The following BRWD3 variants were observed in gnomAD, a reference collection of about 807,000 sequenced individuals.
BRWD3 encodes bromodomain and WD repeat domain containing 3.
In BRWD3, 10 loss-of-function variants were observed where a neutral mutation model predicts 149.7. That is an observed-to-expected ratio of 0.07 (90% confidence interval 0.04 to 0.11). The LOEUF is 0.11. BRWD3 is among the 10% of genes least tolerant of loss of function. BRWD3 has a pLI of 1.00. For synonymous variants in BRWD3, 504 were observed against 456.7 expected (o/e 1.10, Z -1.32); for missense variants, 940 against 1,373.2 (o/e 0.68, Z 4.99).
rs1348224421 is a variant in BRWD3 at position 80,719,673 on chromosome X, A to G, written c.1877-17T>C. On this transcript the variant is annotated splice_polypyrimidine_tract_variant and intron_variant, in intron 17 of 40. Transcript: ENST00000373275. ...CACCATCACCTTAATAAGACCAGAT[A>G]CAAAGCCACAAAATTACTTACATTT... 2 of 1,203,017 alleles carry G rather than the reference A, an allele frequency of 1.7e-6. No individual in the cohort carries two copies. The highest frequency in any genetic ancestry group is 3.0e-5 in the East Asian group (1 of 33,719).
intron 17 of BRWD3, among the ~76,000 whole-genome samples, chrX:80,721,364 G>A (rs2073147671): frequency 9.0e-6 from 1 of 110,835 alleles, no homozygotes; most frequent in Admixed American, 9.7e-5. Flanking sequence ...TTTTCTCCTT[G>A]GCTAATAAAT....
Position 80,670,067 on chromosome X carries a change from CTT to C in BRWD3, c.*6540_*6541del, listed in dbSNP as rs1487593277. Among the ~76,000 whole-genome samples, 1 of 110,780 alleles carries C rather than the reference CTT, an allele frequency of 9.0e-6. No homozygotes were observed. The highest frequency in any genetic ancestry group is 1.9e-5 in the Non-Finnish European group (1 of 52,897). ...GATGTTTATAATCTGTAGATAAGAA[CTT>C]CATTAAGGCAATTGTCACAGATGGC... On this transcript the variant is annotated 3_prime_UTR_variant, in exon 41 of 41. Coordinates refer to ENST00000373275, the MANE Select transcript of BRWD3 (RefSeq NM_153252.5).
chrX:80,696,860 G>A lies in BRWD3; in HGVS notation c.2947C>T (p.Gln983Ter). The change falls in exon 26 of 41, where the codon CAA becomes TAA. Residue 983 changes from glutamine to a stop codon, truncating the protein, a stop_gained. Coordinates refer to ENST00000373275, the MANE Select transcript of BRWD3 (RefSeq NM_153252.5). LOFTEE classifies it high-confidence loss of function. ...ATTCCTACAATCTTAACAAACTCTT[G>A]CTCCTATTCATGAGAATACCAATAA... ...QPWNKMDLRE[Q>*]EFVKIVGIKY... 8.4e-7 allele frequency: 1 copy of A among 1,193,550 alleles called. No individual in the cohort carries two copies. Among genetic ancestry groups the A allele is most frequent in the Non-Finnish European group, 1.1e-6 (1 of 879,937 alleles).
intron 20 of BRWD3, among the ~76,000 whole-genome samples, chrX:80,713,166 G>A (rs1267883116): frequency 1.8e-5 from 2 of 110,334 alleles, no homozygotes; most frequent in Non-Finnish European, 3.8e-5. Context: ...CCCTCTGCCC[G>A]GCCACCACCC....
At chrX:80,713,993 T>C (rs993585597) in intron 20 of BRWD3, among the ~76,000 whole-genome samples, 1 of 111,599 alleles carries the variant, frequency 9.0e-6, no homozygotes, top group African/African-American at 3.3e-5. Flanking sequence ...ATCAGAATAT[T>C]TTAAACCCAA....
intron 6 of BRWD3, among the ~76,000 whole-genome samples, chrX:80,771,682 C>T (rs1422207535): frequency 9.0e-6 from 1 of 111,671 alleles, no homozygotes. Flanking sequence ...GAACAGGCAA[C>T]CTACAGAATA....
intron 6 of BRWD3, among the ~76,000 whole-genome samples, chrX:80,790,306 A>G (rs1272695524): frequency 9.0e-6 from 1 of 110,975 alleles, no homozygotes; most frequent in Non-Finnish European, 1.9e-5. Context: ...TATGACCCAC[A>G]AAGAGAAAAC....
chrX:80,712,267 G>A (rs1330001970), intron 20 of BRWD3, among the ~76,000 whole-genome samples: 1 of 111,239 alleles, frequency 9.0e-6, no homozygotes, highest in Non-Finnish European at 1.9e-5. Flanking sequence ...TCCTGCCTCA[G>A]CCTGCCGAGT....
chrX:80,725,793 AACAT>A (rs2073213698), intron 14 of BRWD3, among the ~76,000 whole-genome samples: 18 of 95,907 alleles, frequency 1.9e-4, no homozygotes, highest in Admixed American at 1.8e-3. Context: ...TATAACGTAT[AACAT>A]GTTTACATGT....
At chrX:80,725,735 T>G (rs2073210524) in intron 14 of BRWD3, among the ~76,000 whole-genome samples, 1 of 111,065 alleles carries the variant, frequency 9.0e-6, no homozygotes, top group African/African-American at 3.2e-5. Context: ...TTTACATGTG[T>G]TACATGCCTA....
chrX:80,759,704 T>C (rs878970036), intron 6 of BRWD3, among the ~76,000 whole-genome samples: 2 of 111,915 alleles, frequency 1.8e-5, no homozygotes, highest in South Asian at 3.7e-4. Context: ...CAATATGAAA[T>C]GGCTAATAAT....
chrX:80,741,924 A>G (rs2073516522), intron 8 of BRWD3, among the ~76,000 whole-genome samples: 1 of 111,465 alleles, frequency 9.0e-6, no homozygotes, highest in Admixed American at 9.5e-5. Context: ...ATTAGATCGC[A>G]TTTGTCAATT....
chrX:80,802,643 C>T (rs2074312672), intron 4 of BRWD3, among the ~76,000 whole-genome samples: 1 of 109,905 alleles, frequency 9.1e-6, no homozygotes, highest in South Asian at 3.8e-4. Context: ...CATTCTTTCA[C>T]ATTTAACTCA....
chrX:80,725,934 T>C (rs1279600033), intron 14 of BRWD3, among the ~76,000 whole-genome samples: 3 of 111,549 alleles, frequency 2.7e-5, no homozygotes, highest in East Asian at 5.7e-4. Flanking sequence ...ACATAACTTG[T>C]TTACATGTTA....
chrX:80,697,907 T>C (rs1040929513), intron 25 of BRWD3, among the ~76,000 whole-genome samples: 28 of 112,404 alleles, frequency 2.5e-4, no homozygotes, highest in African/African-American at 8.7e-4. Context: ...GTGGCTGAAC[T>C]AATTCACATT....
intron 14 of BRWD3, among the ~76,000 whole-genome samples, chrX:80,725,911 A>G (rs139448124): frequency 3.6e-5 from 4 of 111,480 alleles, no homozygotes; most frequent in African/African-American, 6.5e-5. Flanking sequence ...TACATATGTT[A>G]CATGCCTATA....
intron 25 of BRWD3, among the ~76,000 whole-genome samples, chrX:80,699,646 A>G (rs2072752145): frequency 8.9e-6 from 1 of 111,901 alleles, no homozygotes; most frequent in African/African-American, 3.3e-5. Context: ...TATAGTCTAC[A>G]CACTCAGCTT....
In BRWD3 at chrX:80,677,312, G is replaced by A; in HGVS notation, c.4706C>T (p.Thr1569Ile). 1 of 1,207,545 alleles carries A rather than the reference G, an allele frequency of 8.3e-7. No homozygotes were observed. The highest frequency in any genetic ancestry group is 3.0e-5 in the East Asian group (1 of 33,774). ...LTNGDGREPR[T>I]GIKRKLLSAS... ...ACTAAGTAGTTTTCTCTTGATTCCTGTCCGGGGCTCTCTGCCATCACCATT... is the reference window on the plus strand; with the variant it reads ...ACTAAGTAGTTTTCTCTTGATTCCTATCCGGGGCTCTCTGCCATCACCATT... Residue 1569 changes from threonine (T) to isoleucine (I), a missense_variant, in exon 41 of 41, where the codon ACA becomes ATA. Physicochemically the swap from Thr to Ile is moderately conservative, Grantham distance 89 (BLOSUM62 -1). Around this residue, in one of 6 missense-constraint regions of BRWD3, gnomAD observed 349 missense variants for 419.6 expected, o/e 0.83. Transcript: ENST00000373275.
At chrX:80,730,643 A>C (rs1317739035) in intron 12 of BRWD3, among the ~76,000 whole-genome samples, 1 of 111,590 alleles carries the variant, frequency 9.0e-6, no homozygotes, top group Non-Finnish European at 1.9e-5. Context: ...CTATGAATAT[A>C]CTAAAAACCA....
Sources: gnomAD v4.1 joint callset for allele counts (sites outside exome capture counted in the v4.1 genomes callset) on GRCh38, gnomAD v4.1.1 for gene constraint, gnomAD v4.1.1 regional missense constraint, MANE v1.5 for transcripts, NCBI Gene and HGNC (gene_info 2026-07-23, HGNC 2026-07-21) for gene names.